Variants in RHAG observed in about 807,000 individuals in gnomAD.
RHAG encodes the protein Rh associated glycoprotein.
Under a neutral mutation model 42.4 loss-of-function variants are expected in RHAG, and 25 were observed. The ratio of observed to expected loss-of-function variants is 0.59; its 90% confidence interval spans 0.43 to 0.82. The LOEUF (loss-of-function observed/expected upper bound fraction) is 0.82, where lower values mean the gene tolerates loss of function less well. Ranked by LOEUF, RHAG falls within the 40% of genes least tolerant of loss-of-function variation. The pLI is 0.00. For synonymous variants in RHAG, 182 were observed against 177.7 expected (o/e 1.02, Z -0.19); for missense variants, 483 against 504.6 (o/e 0.96, Z 0.41).
In RHAG at chr6:49,621,060, C is replaced by T. The variant is rs185820083; in HGVS notation, c.158-1698G>A. 2.3e-3 allele frequency among the ~76,000 whole-genome samples: 354 copies of T among 152,294 alleles called. 3 individuals are homozygous for T. Among genetic ancestry groups the T allele is most frequent in the Middle Eastern group, 3.4e-3 (1 of 294 alleles). On this transcript the variant is annotated intron_variant, in intron 1 of 9. Transcript: ENST00000371175. ...AATAACCGAAGCAGAGCTCTGGCTT[C>T]CGAGGCACACAGAGACGTTACTGCT... is the stretch of plus-strand genomic sequence containing the variant.
intron 2 of RHAG, among the ~76,000 whole-genome samples, chr6:49,618,766 A>C (rs1391907681): frequency 6.6e-6 from 1 of 152,206 alleles, no homozygotes; most frequent in Non-Finnish European, 1.5e-5. Context: ...CAGAGAAACG[A>C]TTGATTTGAA....
chr6:49,616,193 G>A (rs1762651357), intron 3 of RHAG, among the ~76,000 whole-genome samples: 2 of 151,968 alleles, frequency 1.3e-5, no homozygotes, highest in South Asian at 2.1e-4. Context: ...AGTGAAATAT[G>A]TATTGCTCAG....
chr6:49,610,323 T>A (rs769271463), intron 7 of RHAG, among the ~76,000 whole-genome samples: 6 of 152,234 alleles, frequency 3.9e-5, no homozygotes, highest in Non-Finnish European at 8.8e-5. Context: ...TTCACATGGA[T>A]GACATTCATA....
rs191633472 is a variant in RHAG at position 49,611,940 on chromosome 6, G to T, written c.945+457C>A. Among the ~76,000 whole-genome samples, 669 of 151,640 alleles carry T rather than the reference G, an allele frequency of 4.4e-3. 7 individuals carry two copies. The highest frequency in any genetic ancestry group is 0.014 in the African/African-American group (582 of 41,322). On this transcript the variant is annotated intron_variant, in intron 6 of 9. Transcript: ENST00000371175. Reference sequence around the variant, plus strand: ...TATTTTTTTTTTTAGTAGAGACGGGGGTTTCACCATGTTGTCCAGGCTGGT... The same window carrying T: ...TATTTTTTTTTTTAGTAGAGACGGGTGTTTCACCATGTTGTCCAGGCTGGT...
intron 5 of RHAG, 95 bp from the exon 6 acceptor site, chr6:49,612,629 T>G: frequency 6.9e-7 from 1 of 1,440,452 alleles, no homozygotes; most frequent in Non-Finnish European, 9.7e-7. Context: ...CCACATCACA[T>G]TCTTCAGTTG....
rs1429299765 is a variant in RHAG, at chr6:49,605,762, T to C, written c.*51A>G. On this transcript the variant is annotated 3_prime_UTR_variant, in exon 10 of 10. Coordinates refer to ENST00000371175, the MANE Select transcript of RHAG (RefSeq NM_000324.3). Reference sequence around the variant, plus strand: ...TGGAGAGCAGGAATGGTGTTTAGACTTCAGGTTCCAGCTGGCTGTGGTCAC... The same window carrying C: ...TGGAGAGCAGGAATGGTGTTTAGACCTCAGGTTCCAGCTGGCTGTGGTCAC... 6.4e-7 allele frequency: 1 copy of C among 1,553,756 alleles called. No individual in the cohort carries two copies. Among genetic ancestry groups the C allele is most frequent in the Non-Finnish European group, 8.9e-7 (1 of 1,125,090 alleles).
chr6:49,608,727 C>A (rs1049565609), intron 7 of RHAG, among the ~76,000 whole-genome samples: 3 of 152,062 alleles, frequency 2.0e-5, no homozygotes, highest in Non-Finnish European at 4.4e-5. Flanking sequence ...AATTTATATT[C>A]CAATTTTTTA....
chr6:49,611,184 A>C (rs1762563844), intron 6 of RHAG, 39 bp from the exon 7 acceptor site: 1 of 1,536,822 alleles, frequency 6.5e-7, no homozygotes, highest in Non-Finnish European at 9.0e-7. Flanking sequence ...TATTTAGTTA[A>C]ACATATAGAA....
At chr6:49,630,011 G>A (rs1762910787) in intron 1 of RHAG, among the ~76,000 whole-genome samples, 1 of 152,328 alleles carries the variant, frequency 6.6e-6, no homozygotes, top group African/African-American at 2.4e-5. Context: ...GCCCTGGTGG[G>A]CTGAAGGGCT....
rs111447409 is a variant in RHAG, at chr6:49,633,699, C to A, written c.157+2957G>T. 3.9e-4 allele frequency among the ~76,000 whole-genome samples: 59 copies of A among 152,188 alleles called. 1 individual carries two copies. In the East Asian group the frequency reaches 7.7e-3, roughly 20 times the overall value. On this transcript the variant is annotated intron_variant, in intron 1 of 9. Coordinates refer to ENST00000371175, the MANE Select transcript of RHAG (RefSeq NM_000324.3). The stretch of plus-strand genomic sequence containing the variant: ...TGTGGCATTCTAGGTGCATAGGAGA[C>A]AAGTTAATTAATTGCACGCAATGGA...
Position 49,620,641 on chromosome 6 carries a change from C to T in RHAG, c.158-1279G>A, listed in dbSNP as rs149368815. Among the ~76,000 whole-genome samples the T allele has an allele frequency of 8.0e-3, 1,216 of 152,196 alleles. 20 individuals carry two copies. The highest frequency in any genetic ancestry group is 0.027 in the African/African-American group (1,139 of 41,530). On this transcript the variant is annotated intron_variant, in intron 1 of 9. Coordinates refer to ENST00000371175, the MANE Select transcript of RHAG (RefSeq NM_000324.3). ...CCGCCTCCCAAGTTCAAGCAATTCT[C>T]CTGCCTCAGCCTCCCAAGTAGCTGG...
At chr6:49,630,434 A>AT (rs1192742761) in intron 1 of RHAG, among the ~76,000 whole-genome samples, 20 of 152,168 alleles carry the variant, frequency 1.3e-4, no homozygotes, top group Non-Finnish European at 1.5e-5. Flanking sequence ...AAATAAATAG[A>AT]TTACTGGTGA....
intron 6 of RHAG, among the ~76,000 whole-genome samples, chr6:49,611,787 G>A (rs551429454): frequency 4.0e-5 from 6 of 151,304 alleles, no homozygotes; most frequent in East Asian, 1.9e-4. Flanking sequence ...CATTGCCCAG[G>A]CTGGAGGGTA....
intron 1 of RHAG, among the ~76,000 whole-genome samples, chr6:49,622,047 A>C (rs2127354904): frequency 6.7e-6 from 1 of 150,250 alleles, no homozygotes; most frequent in African/African-American, 2.5e-5. Flanking sequence ...TAAACTGTGC[A>C]GTTACCAAAT....
chr6:49,606,412 T>C (rs1162260466), intron 9 of RHAG, among the ~76,000 whole-genome samples: 1 of 152,160 alleles, frequency 6.6e-6, no homozygotes, highest in African/African-American at 2.4e-5. Flanking sequence ...CTAACTAAAT[T>C]CTTTTCTTTC....
chr6:49,610,115 T>C (rs1762548837), intron 7 of RHAG, among the ~76,000 whole-genome samples: 1 of 151,686 alleles, frequency 6.6e-6, no homozygotes, highest in South Asian at 2.1e-4. Context: ...AAATACCTAA[T>C]GCACACGGGG....
chr6:49,605,321 T>A lies in RHAG; in HGVS notation c.*492A>T. The A allele has an allele frequency of 5.9e-6, 1 of 168,702 alleles. No homozygotes were observed. The highest frequency in any genetic ancestry group is 5.5e-5 in the Admixed American group (1 of 18,024). 10.5% of individuals were successfully genotyped at this position (168,702 alleles called of 1,614,324 possible). A position where few individuals can be genotyped will look rare whatever the true frequency, so the allele number is the denominator to read the frequency against. On this transcript the variant is annotated 3_prime_UTR_variant, in exon 10 of 10. Coordinates refer to ENST00000371175, the MANE Select transcript of RHAG (RefSeq NM_000324.3). ...AAGGATACAACATTACTAACTAGACTATTTTTAAAATAAAAAGCACTACCT... is the reference window on the plus strand; with the variant it reads ...AAGGATACAACATTACTAACTAGACAATTTTTAAAATAAAAAGCACTACCT...
In RHAG at chr6:49,609,079, T is replaced by G. The variant is rs1263143524; in HGVS notation, c.1068-1859A>C. ...ATCCCTTAAGAATATTAACTTTCCC[T>G]TGTTCTATGCTTACCAAAAACCTAA... On this transcript the variant is annotated intron_variant, in intron 7 of 9. Transcript: ENST00000371175. Among the ~76,000 whole-genome samples, 3 of 152,310 alleles carry G rather than the reference T, an allele frequency of 2.0e-5. No homozygotes were observed. The East Asian group carries it at 5.8e-4, about 29-fold the overall frequency.
chr6:49,628,149 CACACACACACACAG>C (rs1384953826), intron 1 of RHAG, among the ~76,000 whole-genome samples: 131 of 125,526 alleles, frequency 1.0e-3, no homozygotes, highest in African/African-American at 3.9e-3. Context: ...CACACACACA[CACACACACACACAG>C]AGAGAGAGAG....
Sources: allele counts gnomAD v4.1 joint callset (sites outside exome capture counted in the v4.1 genomes callset), GRCh38; gene constraint gnomAD v4.1.1; transcripts MANE v1.5; gene names NCBI Gene and HGNC (gene_info 2026-07-23, HGNC 2026-07-21).